The following FHIT variants were observed in gnomAD, a reference collection of about 807,000 sequenced individuals.
The protein encoded by FHIT is fragile histidine triad diadenosine triphosphatase, also known as bis(5'-adenosyl)-triphosphatase.
In FHIT, 19 loss-of-function variants were observed where a neutral mutation model predicts 17.9. The ratio of observed to expected loss-of-function variants is 1.06; its 90% CI spans 0.74 to 1.56. The LOEUF (loss-of-function observed/expected upper bound fraction) is 1.56. FHIT is among the 40% of genes most tolerant of loss of function. The probability of loss-of-function intolerance (pLI) is 0.00; values close to 1 mark genes in which losing one functional copy is unlikely to be tolerated. For missense variants in FHIT, 248 were observed against 189.2 expected, an observed-to-expected ratio of 1.31 and a Z score of -1.82; for synonymous variants, 81 against 69.7, an observed-to-expected ratio of 1.16 and a Z score of -0.81.
intron 5 of FHIT, 96 bp from the exon 6 acceptor site, chr3:60,014,248 G>C (rs1163835011): frequency 1.6e-6 from 2 of 1,236,362 alleles, no homozygotes; most frequent in African/African-American, 1.5e-5. Context: ...TCGGACCAGG[G>C]CCTGAACTCT....
intron 4 of FHIT, among the ~76,000 whole-genome samples, chr3:60,816,987 T>C (rs1203758920): frequency 6.6e-6 from 1 of 152,014 alleles, no homozygotes; most frequent in African/African-American, 2.4e-5. Flanking sequence ...CTGCAACTTT[T>C]GGATCATTTT....
intron 5 of FHIT, among the ~76,000 whole-genome samples, chr3:60,041,786 A>T (rs757623510): frequency 6.6e-6 from 1 of 152,218 alleles, no homozygotes; most frequent in African/African-American, 2.4e-5. Context: ...TCTTTCCACA[A>T]TGCATTTGTT....
At chr3:59,803,977 C>T (rs1008976383) in intron 8 of FHIT, among the ~76,000 whole-genome samples, 4 of 152,292 alleles carry the variant, frequency 2.6e-5, no homozygotes, top group Middle Eastern at 3.4e-3. Flanking sequence ...ATTACTTCTG[C>T]GCCAACATAA....
At chr3:60,604,961 C>A (rs1159251376) in intron 4 of FHIT, among the ~76,000 whole-genome samples, 3 of 152,132 alleles carry the variant, frequency 2.0e-5, no homozygotes, top group African/African-American at 7.2e-5. Flanking sequence ...AACACAAGAG[C>A]TTTCTGACTT....
At position 59,822,681 on chromosome 3, in the gene FHIT, T is replaced by C. The variant is rs981521440; in HGVS notation, c.349-70360A>G. On this transcript the variant is annotated intron_variant, in intron 8 of 9. Coordinates refer to ENST00000492590, the MANE Select transcript of FHIT (RefSeq NM_002012.4). ...TTTCTTGCTAATTTATTTGAGTTCC[T>C]TATAGATTCTGGATGTTCGTCTTTT... Among the ~76,000 whole-genome samples the C allele has an allele frequency of 3.9e-5, 6 of 152,210 alleles. No homozygotes were observed. The East Asian group carries it at 9.6e-4, about 24-fold the overall frequency.
At chr3:60,391,322 G>C (rs1424401441) in intron 5 of FHIT, among the ~76,000 whole-genome samples, 1 of 152,012 alleles carries the variant, frequency 6.6e-6, no homozygotes, top group African/African-American at 2.4e-5. Context: ...TTAGAGACAA[G>C]GTCTTGCCCT....
intron 2 of FHIT, among the ~76,000 whole-genome samples, chr3:61,049,595 T>C (rs1233830768): frequency 6.6e-6 from 1 of 152,158 alleles, no homozygotes; most frequent in African/African-American, 2.4e-5. Context: ...ATTTCCTTCA[T>C]GCTGTGATGA....
intron 7 of FHIT, among the ~76,000 whole-genome samples, chr3:60,007,094 A>G (rs141721439): frequency 1.9e-4 from 29 of 152,280 alleles, no homozygotes; most frequent in African/African-American, 6.0e-4. Flanking sequence ...AGCATAATCT[A>G]TAAACAGTTC....
Position 60,276,700 on chromosome 3 carries a change from G to A in FHIT, c.103+260160C>T, listed in dbSNP as rs527821053. Among the ~76,000 whole-genome samples, 15 of 152,296 alleles carry A rather than the reference G, an allele frequency of 9.8e-5. 1 individual carries two copies. In the South Asian group the frequency reaches 2.9e-3, roughly 29 times the overall value. ...TTATTTGGCTATGGATCTGTAGGCT[G>A]TATAGGAAGCATAACACTAGCATCT... On this transcript the variant is annotated intron_variant, in intron 5 of 9. Coordinates refer to ENST00000492590, the MANE Select transcript of FHIT (RefSeq NM_002012.4).
At chr3:60,056,365 A>G (rs7640460) in intron 5 of FHIT, among the ~76,000 whole-genome samples, 23,362 of 152,200 alleles carry the variant, frequency 0.15, 2,259 homozygotes, top group African/African-American at 0.27. Context: ...ACCATTTAAT[A>G]TATTGGGGAG....
chr3:60,246,440 C>CGTATCAAAT (rs1407902776), intron 5 of FHIT, among the ~76,000 whole-genome samples: 3 of 152,018 alleles, frequency 2.0e-5, no homozygotes, highest in Non-Finnish European at 4.4e-5. Flanking sequence ...TCTTAACATT[C>CGTATCAAAT]GTATCAAATG....
intron 4 of FHIT, among the ~76,000 whole-genome samples, chr3:60,602,290 T>TCA (rs2038468671): frequency 6.6e-6 from 1 of 152,054 alleles, no homozygotes; most frequent in Non-Finnish European, 1.5e-5. Context: ...AGAAAGCAAG[T>TCA]CAATTACAAT....
intron 5 of FHIT, among the ~76,000 whole-genome samples, chr3:60,421,343 C>T (rs567225615): frequency 6.6e-6 from 1 of 152,188 alleles, no homozygotes; most frequent in African/African-American, 2.4e-5. Context: ...ACTTCCAGCT[C>T]ACAGACTCGC....
intron 7 of FHIT, among the ~76,000 whole-genome samples, chr3:59,970,793 G>T (rs1388929649): frequency 6.6e-6 from 1 of 150,824 alleles, no homozygotes; most frequent in Non-Finnish European, 1.5e-5. Context: ...AGCTTGGGGC[G>T]AATTAATGCT....
intron 8 of FHIT, among the ~76,000 whole-genome samples, chr3:59,860,246 G>A (rs537462342): frequency 6.6e-6 from 1 of 152,280 alleles, no homozygotes; most frequent in East Asian, 1.9e-4. Flanking sequence ...ACCCTTTGTT[G>A]GGAAGAATTG....
chr3:59,858,810 T>C (rs1347372616), intron 8 of FHIT, among the ~76,000 whole-genome samples: 1 of 152,136 alleles, frequency 6.6e-6, no homozygotes, highest in African/African-American at 2.4e-5. Context: ...AGAAGGTATT[T>C]ATAAATGTGG....
intron 3 of FHIT, among the ~76,000 whole-genome samples, chr3:60,914,036 G>A (rs1706875645): frequency 2.6e-5 from 4 of 152,188 alleles, no homozygotes; most frequent in Admixed American, 6.5e-5. Context: ...ATTTCTTGAC[G>A]GGAGAAGAGG....
intron 5 of FHIT, among the ~76,000 whole-genome samples, chr3:60,278,616 G>T (rs1050820815): frequency 1.3e-5 from 2 of 151,906 alleles, no homozygotes; most frequent in African/African-American, 4.8e-5. Context: ...AAAGACAACA[G>T]GGAAGACAAA....
At chr3:60,080,185 T>C (rs1230191703) in intron 5 of FHIT, among the ~76,000 whole-genome samples, 2 of 152,140 alleles carry the variant, frequency 1.3e-5, no homozygotes, top group Non-Finnish European at 2.9e-5. Context: ...AGAGTACCTA[T>C]CTGTTAGAAA....
Sources: gnomAD v4.1 joint callset for allele counts (sites outside exome capture counted in the v4.1 genomes callset) on GRCh38, gnomAD v4.1.1 for gene constraint, MANE v1.5 for transcripts, NCBI Gene and HGNC (gene_info 2026-07-23, HGNC 2026-07-21) for gene names.